Variants in WWOX observed in about 807,000 individuals in gnomAD.
WWOX encodes WW domain-containing oxidoreductase.
Under a neutral mutation model 46.2 loss-of-function variants are expected in WWOX, and 69 were observed. The ratio of observed to expected loss-of-function variants is 1.49; its 90% CI spans 1.23 to 1.82. WWOX has a LOEUF of 1.82. Ranked by LOEUF, WWOX falls within the 40% of genes most tolerant of loss-of-function variation. The probability of loss-of-function intolerance (pLI) is 0.00; values close to 1 mark genes in which losing one functional copy is unlikely to be tolerated. For synonymous variants in WWOX, 359 were observed against 202.6 expected, an observed-to-expected ratio of 1.77 and a Z score of -6.56; for missense variants, 919 against 542.6, an observed-to-expected ratio of 1.69 and a Z score of -6.89.
Position 78,425,043 on chromosome 16 carries a change from C to T in WWOX, c.779C>T (p.Ser260Leu). 6.2e-7 allele frequency: 1 copy of T among 1,613,862 alleles called. No individual in the cohort carries two copies. Among genetic ancestry groups the T allele is most frequent in the Non-Finnish European group, 8.5e-7 (1 of 1,180,028 alleles). ...SAPARVIVVS[S>L]ESHRFTDIND... Reference sequence around the variant, plus strand: ...CCTGCCCGTGTCATTGTGGTCTCCTCAGAGTCCCATCGGTGGGTTTGAATT... The same window carrying T: ...CCTGCCCGTGTCATTGTGGTCTCCTTAGAGTCCCATCGGTGGGTTTGAATT... The change falls in exon 7 of 9, where the codon TCA (serine) becomes TTA (leucine). Residue 260 changes from serine (S) to leucine (L), a missense_variant. Physicochemically the swap from Ser to Leu is moderately radical, Grantham distance 145. Transcript: ENST00000566780.
At chr16:78,548,566 T>G (rs1203218361) in intron 8 of WWOX, among the ~76,000 whole-genome samples, 2 of 152,226 alleles carry the variant, frequency 1.3e-5, no homozygotes, top group Non-Finnish European at 2.9e-5. Context: ...TTTTTAACTT[T>G]CACTTCCCAT....
chr16:78,879,655 A>C (rs2044303211), intron 8 of WWOX, among the ~76,000 whole-genome samples: 1 of 152,114 alleles, frequency 6.6e-6, no homozygotes, highest in Non-Finnish European at 1.5e-5. Flanking sequence ...AGGCAGGCGG[A>C]TCACCTAAGG....
chr16:78,489,878 G>A (rs938660972), intron 8 of WWOX, among the ~76,000 whole-genome samples: 1 of 152,140 alleles, frequency 6.6e-6, no homozygotes, highest in African/African-American at 2.4e-5. Flanking sequence ...AGTTGTGGGA[G>A]GAGGAGGGGT....
intron 8 of WWOX, among the ~76,000 whole-genome samples, chr16:78,927,395 T>C (rs1173675117): frequency 2.0e-5 from 3 of 152,208 alleles, no homozygotes; most frequent in Non-Finnish European, 4.4e-5. Context: ...CATCAATAAC[T>C]GTTCTTATGT....
At chr16:78,203,160 A>G (rs148332448) in intron 5 of WWOX, among the ~76,000 whole-genome samples, 27 of 152,270 alleles carry the variant, frequency 1.8e-4, no homozygotes, top group African/African-American at 6.3e-4. Context: ...AGGCCTGGGA[A>G]CAGGTGAGAA....
rs2043563298 is a variant in WWOX at position 78,529,366 on chromosome 16, T to C, written c.1056+96614T>C. On this transcript the variant is annotated intron_variant, in intron 8 of 8. Coordinates refer to ENST00000566780, the MANE Select transcript of WWOX (RefSeq NM_016373.4). ...AAGTGAGCCCTCTTACTGAATTATG[T>C]GGCTGGGGTTCTTGGGTATGTTTTG... is the stretch of plus-strand genomic sequence containing the variant. 2.6e-5 allele frequency among the ~76,000 whole-genome samples: 4 copies of C among 152,202 alleles called. No individual in the cohort carries two copies. The South Asian group carries it at 8.3e-4, about 31-fold the overall frequency.
intron 8 of WWOX, chr16:78,892,105 A>G (rs774471091): frequency 7.9e-5 from 12 of 152,124 alleles, no homozygotes; most frequent in Non-Finnish European, 1.8e-4. Flanking sequence ...CTCGCTAAAC[A>G]TTGTCACTTG....
chr16:78,152,151 C>G (rs1296441128), intron 4 of WWOX, among the ~76,000 whole-genome samples: 1 of 151,088 alleles, frequency 6.6e-6, no homozygotes, highest in Non-Finnish European at 1.5e-5. Flanking sequence ...GATCGCGCCA[C>G]TGCACTCCAG....
chr16:78,645,365 C>G (rs1238276039), intron 8 of WWOX, among the ~76,000 whole-genome samples: 3 of 152,122 alleles, frequency 2.0e-5, no homozygotes, highest in Non-Finnish European at 4.4e-5. Flanking sequence ...TGAATGTCTT[C>G]TCTTACCATT....
chr16:79,171,151 A>G (rs1181792425), intron 8 of WWOX, among the ~76,000 whole-genome samples: 1 of 152,230 alleles, frequency 6.6e-6, no homozygotes, highest in Non-Finnish European at 1.5e-5. Flanking sequence ...TGCCTTGGAT[A>G]TCACACACTG....
rs74029638 is a variant in WWOX, at chr16:78,474,207, C to G, written c.1056+41455C>G. On this transcript the variant is annotated intron_variant, in intron 8 of 8. Transcript: ENST00000566780. Reference sequence around the variant, plus strand: ...GTTCAAATTTTCATTACTAACACCTCTCACATTGTTAGAAAACAGTTTTAT... The same window carrying G: ...GTTCAAATTTTCATTACTAACACCTGTCACATTGTTAGAAAACAGTTTTAT... Among the ~76,000 whole-genome samples the G allele has an allele frequency of 9.5e-3, 1,453 of 152,316 alleles. 29 individuals are homozygous for G. The highest frequency in any genetic ancestry group is 0.033 in the African/African-American group (1,385 of 41,574).
At chr16:78,751,955 G>A (rs932164465) in intron 8 of WWOX, among the ~76,000 whole-genome samples, 2 of 152,160 alleles carry the variant, frequency 1.3e-5, no homozygotes, top group Non-Finnish European at 2.9e-5. Context: ...GTGCCTCCAC[G>A]TGGAAGTGGG....
At chr16:78,388,691 C>T (rs1219589560) in intron 6 of WWOX, among the ~76,000 whole-genome samples, 1 of 141,958 alleles carries the variant, frequency 7.0e-6, no homozygotes, top group African/African-American at 2.6e-5. Flanking sequence ...TGTACTCAGC[C>T]TGGCGTGGTG....
intron 8 of WWOX, among the ~76,000 whole-genome samples, chr16:78,705,841 A>G (rs2048317354): frequency 6.6e-6 from 1 of 152,156 alleles, no homozygotes; most frequent in African/African-American, 2.4e-5. Flanking sequence ...CTATTCCTAC[A>G]ATTCTGGTAC....
At chr16:79,163,886 A>G (rs1321717208) in intron 8 of WWOX, among the ~76,000 whole-genome samples, 4 of 135,356 alleles carry the variant, frequency 3.0e-5, no homozygotes, top group Non-Finnish European at 6.6e-5. Flanking sequence ...GAGAATTGGA[A>G]AAAAAAAAAA....
chr16:78,162,173 T>C (rs925476465), intron 4 of WWOX, among the ~76,000 whole-genome samples: 1 of 152,214 alleles, frequency 6.6e-6, no homozygotes, highest in African/African-American at 2.4e-5. Context: ...TTTCGTTTGC[T>C]TAAAATTTTT....
At chr16:78,314,027 C>T (rs923137031) in intron 5 of WWOX, among the ~76,000 whole-genome samples, 3 of 152,160 alleles carry the variant, frequency 2.0e-5, no homozygotes, top group Admixed American at 6.5e-5. Flanking sequence ...CTTTCTGTGC[C>T]TCACACATCT....
intron 8 of WWOX, chr16:79,078,059 A>T (rs971911695): frequency 1.3e-5 from 2 of 152,156 alleles, no homozygotes; most frequent in Non-Finnish European, 2.9e-5. Context: ...CTCAGGGGAA[A>T]AAAAGGTCCC....
At chr16:79,203,781 C>T (rs1469904648) in intron 8 of WWOX, 1 of 152,150 alleles carries the variant, frequency 6.6e-6, no homozygotes, top group Non-Finnish European at 1.5e-5. Flanking sequence ...GAACTGAGCT[C>T]ATTAATTCTG....
Sources: allele counts gnomAD v4.1 joint callset (sites outside exome capture counted in the v4.1 genomes callset), GRCh38; gene constraint gnomAD v4.1.1; transcripts MANE v1.5; gene names NCBI Gene and HGNC (gene_info 2026-07-23, HGNC 2026-07-21).